The following L3MBTL1 variants were observed in gnomAD, a reference collection of about 807,000 sequenced individuals.
L3MBTL1 encodes the protein L3MBTL histone methyl-lysine binding protein 1.
Under a neutral mutation model 105.3 loss-of-function variants are expected in L3MBTL1, and 75 were observed. The ratio of observed to expected loss-of-function variants is 0.71; its 90% CI spans 0.59 to 0.86. The LOEUF (loss-of-function observed/expected upper bound fraction) is 0.86, where lower values mean the gene tolerates loss of function less well. Ranked by LOEUF, L3MBTL1 falls within the 40% of genes least tolerant of loss-of-function variation. The probability of loss-of-function intolerance (pLI) is 0.00; values close to 1 mark genes in which losing one functional copy is unlikely to be tolerated. For synonymous variants in L3MBTL1, 452 were observed against 436.2 expected (o/e 1.04, Z -0.45); for missense variants, 1,069 against 1,126.4 (o/e 0.95, Z 0.73).
At chr20:43,536,742 T>C (rs2019653880) in intron 19 of L3MBTL1, among the ~76,000 whole-genome samples, 2 of 152,216 alleles carry the variant, frequency 1.3e-5, no homozygotes, top group Non-Finnish European at 2.9e-5. Context: ...AGCAAGATGA[T>C]GCTCCTGCTC....
At chr20:43,535,962 C>T (rs769832592) in intron 17 of L3MBTL1, 26 bp downstream of exon 17, 10 of 1,599,856 alleles carry the variant, frequency 6.3e-6, no homozygotes, top group Non-Finnish European at 8.5e-6. Flanking sequence ...TGGTGAGAGA[C>T]CCTCAGCGTT....
rs769043783 is a variant in L3MBTL1 at position 43,534,853 on chromosome 20, G to A, written c.1736G>A (p.Gly579Asp). The A allele has an allele frequency of 1.9e-6, 3 of 1,611,538 alleles. No homozygotes were observed. Among genetic ancestry groups the A allele is most frequent in the African/African-American group, 2.7e-5 (2 of 74,646 alleles). The change falls in exon 16 of 22, where the codon GGC (glycine) becomes GAC (aspartate). Residue 579 changes from glycine (G) to aspartate (D), a missense_variant. Coordinates refer to ENST00000418998, the MANE Select transcript of L3MBTL1 (RefSeq NM_001377303.1). ...ATCCACTTTGATGGCTGGAGTCATG[G>A]CTATGATTTCTGGATCGACGCTGAC... Reference protein sequence around the residue: ...IKIHFDGWSHGYDFWIDADHP... With the variant: ...IKIHFDGWSHDYDFWIDADHP...
In L3MBTL1 at chr20:43,515,401, G is replaced by C; in HGVS notation, c.763G>C (p.Glu255Gln). Reference protein sequence around the residue: ...EYQSPSEEESEPEAMEKQEEG... With the variant: ...EYQSPSEEESQPEAMEKQEEG... ...CCAGAGCCCATCAGAGGAGGAGTCG[G>C]AGCCAGAGGCCATGGTAGGAAGAGG... Residue 255 changes from glutamate (E) to glutamine (Q), a missense_variant, in exon 6 of 22, where the codon GAG (glutamate) becomes CAG (glutamine). Physicochemically the swap from Glu to Gln is conservative, Grantham distance 29. Coordinates refer to ENST00000418998, the MANE Select transcript of L3MBTL1 (RefSeq NM_001377303.1). 1 of 1,557,408 alleles carries C rather than the reference G, an allele frequency of 6.4e-7. No individual in the cohort carries two copies. Among genetic ancestry groups the C allele is most frequent in the Non-Finnish European group, 8.7e-7 (1 of 1,149,548 alleles).
intron 10 of L3MBTL1, 81 bp from the exon 11 acceptor site, chr20:43,530,717 T>C: frequency 3.0e-6 from 4 of 1,325,732 alleles, no homozygotes; most frequent in Non-Finnish European, 4.3e-6. Flanking sequence ...GCATGCCTGA[T>C]TCTGCTGCTT....
chr20:43,536,490 C>T (rs1318530081), intron 19 of L3MBTL1, 32 bp downstream of exon 19: 5 of 1,610,178 alleles, frequency 3.1e-6, no homozygotes, highest in African/African-American at 1.3e-5. Context: ...CTATGTCCTC[C>T]ACCACAGAGT....
At chr20:43,531,127 C>T (rs1213944931) in intron 11 of L3MBTL1, 1 of 528,088 alleles carries the variant, frequency 1.9e-6, no homozygotes. Context: ...ATACCCTGTC[C>T]TCACATCCCC....
intron 3 of L3MBTL1, chr20:43,514,306 G>C: frequency 1.1e-6 from 1 of 889,770 alleles, no homozygotes; most frequent in Non-Finnish European, 1.7e-6. Context: ...GTGTCTGGGG[G>C]CGTGGCTTAG....
intron 7 of L3MBTL1, among the ~76,000 whole-genome samples, chr20:43,522,984 T>C (rs2145418709): frequency 6.6e-6 from 1 of 151,776 alleles, no homozygotes; most frequent in African/African-American, 2.4e-5. Context: ...GGTGCACGCC[T>C]GTAATCCCAG....
intron 7 of L3MBTL1, among the ~76,000 whole-genome samples, chr20:43,518,851 C>CAAAAAAAA (rs34529936): frequency 9.0e-5 from 3 of 33,292 alleles, no homozygotes; most frequent in African/African-American, 5.4e-4. Flanking sequence ...ACTAAAAATA[C>CAAAAAAAA]AAAAAAAAAA....
chr20:43,529,093 A>G, intron 8 of L3MBTL1, 171 bp from the exon 9 acceptor site: 1 of 618,592 alleles, frequency 1.6e-6, no homozygotes, highest in Non-Finnish European at 2.9e-6. Context: ...GGGACCTGGG[A>G]GATATTCTCT....
chr20:43,513,251 A>G (rs910580030), intron 1 of L3MBTL1, among the ~76,000 whole-genome samples: 2 of 152,162 alleles, frequency 1.3e-5, no homozygotes, highest in African/African-American at 4.8e-5. Flanking sequence ...CATCCTTACC[A>G]TCCTTACAGA....
chr20:43,534,576 C>A (rs368167124), intron 15 of L3MBTL1, 182 bp downstream of exon 15: 2 of 620,644 alleles, frequency 3.2e-6, no homozygotes, highest in African/African-American at 1.8e-5. Flanking sequence ...CCTCTCTAAG[C>A]CTTACATCAT....
At chr20:43,536,329 TG>T in intron 18 of L3MBTL1, 35 bp downstream of exon 18, 15 of 1,611,984 alleles carry the variant, frequency 9.3e-6, no homozygotes, top group Non-Finnish European at 1.2e-5. Context: ...CCGGGCTTCC[TG>T]GGGGTGTGGG....
At chr20:43,543,605 A>G (rs1376633970), downstream of L3MBTL1, among the ~76,000 whole-genome samples, 1 of 152,200 alleles carries the variant, frequency 6.6e-6, no homozygotes, top group African/African-American at 2.4e-5. Flanking sequence ...GAGGATCACC[A>G]TCTCCAGTGT....
At chr20:43,518,344 G>C (rs1056708838) in intron 7 of L3MBTL1, among the ~76,000 whole-genome samples, 1 of 152,124 alleles carries the variant, frequency 6.6e-6, no homozygotes, top group Non-Finnish European at 1.5e-5. Context: ...CTGTTTGGCA[G>C]TTTGATGGCC....
intron 11 of L3MBTL1, 56 bp downstream of exon 11, chr20:43,530,945 G>C (rs1485521692): frequency 6.9e-7 from 1 of 1,439,518 alleles, no homozygotes; most frequent in African/African-American, 1.4e-5. Flanking sequence ...GTTCACTGCA[G>C]CTGGCCCAGG....
intron 19 of L3MBTL1, among the ~76,000 whole-genome samples, chr20:43,538,229 C>T (rs983733162): frequency 1.3e-5 from 2 of 152,130 alleles, no homozygotes; most frequent in Admixed American, 6.6e-5. Context: ...TCTGTGGTAC[C>T]CATGGTCAAG....
At chr20:43,516,570 G>A (rs2018404355) in intron 7 of L3MBTL1, among the ~76,000 whole-genome samples, 1 of 152,094 alleles carries the variant, frequency 6.6e-6, no homozygotes, top group African/African-American at 2.4e-5. Context: ...CTCACTCTTT[G>A]ATTCTAAGAA....
Position 43,513,592 on chromosome 20 carries a change from GC to G in L3MBTL1, c.93del (p.Gly32ValfsTer92), listed in dbSNP as rs1440785115. The G allele has an allele frequency of 1.7e-5, 27 of 1,550,530 alleles. No homozygotes were observed. The Admixed American group carries it at 2.9e-4, about 17-fold the overall frequency. ...EVSMHLVAGD[S>X]PGSGPHLPAT... is the part of the protein sequence containing the mutation. The stretch of plus-strand genomic sequence containing the variant: ...AGCATGCACTTGGTGGCCGGAGACA[GC>G]CCCGGTTCTGGTCCTCACCTGCCCG... On this transcript the variant is annotated frameshift_variant, in exon 2 of 22. Coordinates refer to ENST00000418998, the MANE Select transcript of L3MBTL1 (RefSeq NM_001377303.1). LOFTEE classifies it high-confidence loss of function.
Sources: gnomAD v4.1 joint callset for allele counts (sites outside exome capture counted in the v4.1 genomes callset) on GRCh38, gnomAD v4.1.1 for gene constraint, MANE v1.5 for transcripts, NCBI Gene and HGNC (gene_info 2026-07-23, HGNC 2026-07-21) for gene names.